Variants in TSC1 observed in about 807,000 individuals in gnomAD.
TSC1 encodes the protein hamartin.
Under a neutral mutation model 124.3 loss-of-function variants are expected in TSC1, and 20 were observed. The observed-to-expected ratio is 0.16, with a 90% confidence interval of 0.11 to 0.23. The LOEUF (loss-of-function observed/expected upper bound fraction) is 0.23. TSC1 is among the 10% of genes least tolerant of loss of function. The probability of loss-of-function intolerance (pLI) is 1.00; values close to 1 mark genes in which losing one functional copy is unlikely to be tolerated. For synonymous variants in TSC1, 493 were observed against 539.1 expected (o/e 0.91, Z 1.19); for missense variants, 1,124 against 1,448.5 (o/e 0.78, Z 3.64).
At chr9:132,919,305 G>T (rs1846419927) in intron 8 of TSC1, among the ~76,000 whole-genome samples, 1 of 152,184 alleles carries the variant, frequency 6.6e-6, no homozygotes, top group Non-Finnish European at 1.5e-5. Context: ...GAAAGACAGA[G>T]AAAACAGGAA....
At chr9:132,901,982 G>A (rs925447133) in intron 18 of TSC1, 4 of 377,320 alleles carry the variant, frequency 1.1e-5, no homozygotes, top group Non-Finnish European at 1.9e-5. Context: ...GGATGCTGCA[G>A]AAAGATTCTG....
chr9:132,918,278 A>C (rs1846369213), intron 8 of TSC1, among the ~76,000 whole-genome samples: 1 of 152,250 alleles, frequency 6.6e-6, no homozygotes, highest in Non-Finnish European at 1.5e-5. Context: ...CTAAGCTGCC[A>C]CTGTCTCAAA....
chr9:132,900,650 G>T (rs1271114605), intron 20 of TSC1, 65 bp downstream of exon 20: 1 of 1,609,466 alleles, frequency 6.2e-7, no homozygotes, highest in East Asian at 2.2e-5. Flanking sequence ...TGCCATGCGG[G>T]AGACATACTG....
chr9:132,918,516 G>A (rs1158570459), intron 8 of TSC1, among the ~76,000 whole-genome samples: 1 of 152,174 alleles, frequency 6.6e-6, no homozygotes, highest in Non-Finnish European at 1.5e-5. Flanking sequence ...ATTCTCTATA[G>A]AGAATAAAAC....
rs2131687645 is a variant in TSC1, at chr9:132,900,787, C to A, written c.2553G>T (p.Gln851His). 6.2e-7 allele frequency: 1 copy of A among 1,614,166 alleles called. No homozygotes were observed. Among genetic ancestry groups the A allele is most frequent in the Non-Finnish European group, 8.5e-7 (1 of 1,180,026 alleles). The change falls in exon 20 of 23, where the codon CAG (glutamine) becomes CAT (histidine). Residue 851 changes from glutamine to histidine, a missense_variant. Coordinates refer to ENST00000298552, the MANE Select transcript of TSC1 (RefSeq NM_000368.5). ...CGTTGACCTCCCCAAGAACCAACAG[C>A]TGCCTGTTCAAGAACTCCATCTGCT... ...VQQQMEFLNR[Q>H]LLVLGEVNEL...
rs7044948 is a variant in TSC1 at position 132,911,769 on chromosome 9, C to G, written c.914-201G>C. 0.01 allele frequency among the ~76,000 whole-genome samples: 1,525 copies of G among 152,018 alleles called. 22 individuals are homozygous for G. Among genetic ancestry groups the G allele is most frequent in the African/African-American group, 0.035 (1,459 of 41,442 alleles). Reference sequence around the variant, plus strand: ...ACACTTCAGAGTTTCTCTAAATGCTCCTTTGAAATAAAGTTCAATAAGGTT... The same window carrying G: ...ACACTTCAGAGTTTCTCTAAATGCTGCTTTGAAATAAAGTTCAATAAGGTT... On this transcript the variant is annotated intron_variant, in intron 9 of 22. Transcript: ENST00000298552.
Position 132,911,104 on chromosome 9 carries a change from A to T in TSC1, c.1039T>A (p.Trp347Arg), listed in dbSNP as rs1175861603. The T allele has an allele frequency of 6.2e-7, 1 of 1,613,926 alleles. No individual in the cohort carries two copies. The highest frequency in any genetic ancestry group is 2.2e-5 in the East Asian group (1 of 44,886). ...LITEPPQATL[W>R]SPSMVCGMTT... The stretch of plus-strand genomic sequence containing the variant: ...ATACCACAAACCATAGATGGGCTCC[A>T]AAGAGTAGCCTGGGAAGTTAATAAA... Residue 347 changes from tryptophan to arginine, a missense_variant, in exon 11 of 23, where the codon TGG becomes AGG. By Grantham distance (101) the Trp-to-Arg change is moderately radical. This residue lies in a region of TSC1 where 463 missense variants were observed against 606.8 expected (regional missense o/e 0.76). Coordinates refer to ENST00000298552, the MANE Select transcript of TSC1 (RefSeq NM_000368.5).
chr9:132,932,843 A>G (rs1423578374), intron 2 of TSC1, among the ~76,000 whole-genome samples: 3 of 152,196 alleles, frequency 2.0e-5, no homozygotes, highest in Non-Finnish European at 2.9e-5. Context: ...TGACCACCCA[A>G]TCTAAAGCAG....
In TSC1 at chr9:132,900,770, T is replaced by C. The variant is rs2131686452; in HGVS notation, c.2570A>G (p.Glu857Gly). The change falls in exon 20 of 23, where the codon GAG (glutamate) becomes GGG (glycine). Residue 857 changes from glutamate to glycine, a missense_variant. Physicochemically the swap from Glu to Gly is moderately conservative, Grantham distance 98 (BLOSUM62 -2). Coordinates refer to ENST00000298552, the MANE Select transcript of TSC1 (RefSeq NM_000368.5). ...TTGTTCCAAATAGAGCTCGTTGACC[T>C]CCCCAAGAACCAACAGCTGCCTGTT... ...FLNRQLLVLG[E>G]VNELYLEQLQ... 6.2e-7 allele frequency: 1 copy of C among 1,614,084 alleles called. No individual in the cohort carries two copies. Among genetic ancestry groups the C allele is most frequent in the Non-Finnish European group, 8.5e-7 (1 of 1,179,998 alleles).
chr9:132,895,214 A>C lies in TSC1; in HGVS notation c.*1021T>G, dbSNP rs1221778262. The C allele has an allele frequency of 4.3e-6, 1 of 233,262 alleles. No individual in the cohort carries two copies. The highest frequency in any genetic ancestry group is 6.0e-5 in the East Asian group (1 of 16,562). 14.4% of individuals were successfully genotyped at this position (233,262 alleles called of 1,614,324 possible). On this transcript the variant is annotated 3_prime_UTR_variant, in exon 23 of 23. Transcript: ENST00000298552. ...TAATGGCCTGGGAAATGATGGTCAC[A>C]TACACTTTGCAGAAACTCTTTGGAC... is the stretch of plus-strand genomic sequence containing the variant.
In TSC1 at chr9:132,927,805, G is replaced by A. The variant is rs1391826401; in HGVS notation, c.107-501C>T. ...CTCCCCAAGTGCTGGGATTACAGGCGTGAGCCGCCACACCTGGCCCTTTAT... is the reference window on the plus strand; with the variant it reads ...CTCCCCAAGTGCTGGGATTACAGGCATGAGCCGCCACACCTGGCCCTTTAT... On this transcript the variant is annotated intron_variant, in intron 3 of 22. Coordinates refer to ENST00000298552, the MANE Select transcript of TSC1 (RefSeq NM_000368.5). Among the ~76,000 whole-genome samples the A allele has an allele frequency of 5.9e-5, 9 of 152,230 alleles. No homozygotes were observed. The East Asian group carries it at 9.7e-4, about 16-fold the overall frequency.
In TSC1 at chr9:132,891,555, C is replaced by A. The variant is rs747969932; in HGVS notation, c.*4680G>T. On this transcript the variant is annotated 3_prime_UTR_variant, in exon 23 of 23. Coordinates refer to ENST00000298552, the MANE Select transcript of TSC1 (RefSeq NM_000368.5). ...TAGGATTGAGGCGGGAAAGTTTAGA[C>A]CTTTTGACAAGAGCTGACTTTCTTC... is the stretch of plus-strand genomic sequence containing the variant. 9.5e-4 allele frequency: 222 copies of A among 233,420 alleles called. No individual in the cohort carries two copies. Among genetic ancestry groups the A allele is most frequent in the Middle Eastern group, 6.4e-3 (5 of 786 alleles). The allele number at this position is 233,420 out of a possible 1,614,324, so 14.5% of individuals were successfully genotyped here.
chr9:132,942,691 C>G (rs1307550940), intron 1 of TSC1, among the ~76,000 whole-genome samples: 1 of 152,178 alleles, frequency 6.6e-6, no homozygotes, highest in South Asian at 2.1e-4. Flanking sequence ...TTTATGACAC[C>G]AGGAAATGCA....
intron 2 of TSC1, chr9:132,931,398 G>C (rs1368905119): frequency 6.6e-6 from 1 of 152,142 alleles, no homozygotes; most frequent in African/African-American, 2.4e-5. Flanking sequence ...CACCTAGCTT[G>C]TTTTTCCATT....
At position 132,921,269 on chromosome 9, in the gene TSC1, A is replaced by G; in HGVS notation, c.737+94T>C. ...GACTGATTCTGTAAGTAGAACATCT[A>G]TATTCCCAAATATACCTCAACAGGG... On this transcript the variant is annotated intron_variant, in intron 8 of 22. Transcript: ENST00000298552. The surrounding 1 kb of genome is among the most constrained non-coding windows in gnomAD (Gnocchi z 4.3). 7.5e-7 allele frequency: 1 copy of G among 1,330,754 alleles called. No individual in the cohort carries two copies. The allele number at this position is 1,330,754 out of a possible 1,614,324, so 82.4% of individuals were successfully genotyped here. A position where few individuals can be genotyped will look rare whatever the true frequency, so the allele number is the denominator to read the frequency against.
chr9:132,894,735 C>T lies in TSC1; in HGVS notation c.*1500G>A, dbSNP rs1844944426. The T allele has an allele frequency of 9.4e-6, 2 of 212,144 alleles. No homozygotes were observed. Among genetic ancestry groups the T allele is most frequent in the African/African-American group, 2.3e-5 (1 of 43,830 alleles). The allele number at this position is 212,144 out of a possible 1,614,324, so 13.1% of individuals were successfully genotyped here. A position where few individuals can be genotyped will look rare whatever the true frequency, so the allele number is the denominator to read the frequency against. On this transcript the variant is annotated 3_prime_UTR_variant, in exon 23 of 23. Coordinates refer to ENST00000298552, the MANE Select transcript of TSC1 (RefSeq NM_000368.5). Reference sequence around the variant, plus strand: ...AAAAAAGACTTTCATTCTCTCTGCTCGAGGCCTCCGTGGGCACTAAGATTT... The same window carrying T: ...AAAAAAGACTTTCATTCTCTCTGCTTGAGGCCTCCGTGGGCACTAAGATTT...
intron 8 of TSC1, among the ~76,000 whole-genome samples, chr9:132,916,788 T>C (rs1846289308): frequency 6.6e-6 from 1 of 152,186 alleles, no homozygotes; most frequent in Admixed American, 6.5e-5. Context: ...TGGAGCACTC[T>C]CTCCCTGGCT....
chr9:132,897,568 T>G lies in TSC1; in HGVS notation c.2668A>C (p.Lys890Gln). 6.2e-7 allele frequency: 1 copy of G among 1,603,832 alleles called. No homozygotes were observed. The highest frequency in any genetic ancestry group is 1.7e-5 in the Admixed American group (1 of 57,812). The change falls in exon 21 of 23, where the codon AAA becomes CAA. Residue 890 changes from lysine (K) to glutamine (Q), a missense_variant. This residue lies in a region of TSC1 where 325 missense variants were observed against 383.4 expected (regional missense o/e 0.85). Coordinates refer to ENST00000298552, the MANE Select transcript of TSC1 (RefSeq NM_000368.5). The stretch of plus-strand genomic sequence containing the variant: ...TGCTGGAGAACATGGCTTCTGTTTT[T>G]TTCTAGCTCTTTCCGATAGGCGGCT... ...MKAAYRKELE[K>Q]NRSHVLQQTQ...
Position 132,902,803 on chromosome 9 carries a change from A to AAT in TSC1, c.2209-18_2209-17dup. 6.2e-7 allele frequency: 1 copy of AAT among 1,612,886 alleles called. No homozygotes were observed. Among genetic ancestry groups the AAT allele is most frequent in the Non-Finnish European group, 8.5e-7 (1 of 1,179,992 alleles). On this transcript the variant is annotated splice_polypyrimidine_tract_variant and intron_variant, in intron 17 of 22. Coordinates refer to ENST00000298552, the MANE Select transcript of TSC1 (RefSeq NM_000368.5). The surrounding 1 kb of genome is among the most constrained non-coding windows in gnomAD (Gnocchi z 5.2). ...ACTGATCTTTCTAGCAGAGACCAGA[A>AAT]ATGTCATCATTTTAGCTGTCTTCCA...
Sources: allele counts gnomAD v4.1 joint callset (sites outside exome capture counted in the v4.1 genomes callset), GRCh38; gene constraint gnomAD v4.1.1; regional missense constraint gnomAD v4.1.1; non-coding constraint Gnocchi (gnomAD v3.1); transcripts MANE v1.5; gene names NCBI Gene and HGNC (gene_info 2026-07-23, HGNC 2026-07-21).